Variants in NAP1L4 observed in about 807,000 individuals in gnomAD.
The protein encoded by NAP1L4 is nucleosome assembly protein 1 like 4, also known as nucleosome assembly protein 1-like 4.
Under a neutral mutation model 58.2 loss-of-function variants are expected in NAP1L4, and 15 were observed. The observed-to-expected ratio is 0.26, with a 90% CI of 0.17 to 0.40. The LOEUF (loss-of-function observed/expected upper bound fraction) is 0.40. Among genes scored for constraint, NAP1L4 ranks in the 10% least tolerant of loss-of-function variants. The pLI is 1.00. For synonymous variants in NAP1L4, 171 were observed against 155.6 expected (o/e 1.10, Z -0.74); for missense variants, 384 against 451.1 (o/e 0.85, Z 1.35).
At chr11:2,976,269 A>G (rs2133987635) in intron 3 of NAP1L4, 146 bp from the exon 4 acceptor site, 2 of 593,542 alleles carry the variant, frequency 3.4e-6, no homozygotes, top group Non-Finnish European at 5.9e-6. Context: ...CTTCTTAAAC[A>G]TGTTTTGAAA....
chr11:2,966,939 C>T (rs1443030809), intron 7 of NAP1L4, among the ~76,000 whole-genome samples: 1 of 152,236 alleles, frequency 6.6e-6, no homozygotes, highest in East Asian at 1.9e-4. Flanking sequence ...TAATGCCCCA[C>T]ACTGGCAGAC....
chr11:2,977,562 G>C (rs952921685), intron 3 of NAP1L4, among the ~76,000 whole-genome samples: 1 of 152,188 alleles, frequency 6.6e-6, no homozygotes, highest in African/African-American at 2.4e-5. Flanking sequence ...CAAAACGCAT[G>C]ATCCTTGAAT....
In NAP1L4 at chr11:2,965,822, G is replaced by A. The variant is rs867370519; in HGVS notation, c.535-1071C>T. Among the ~76,000 whole-genome samples, 65 of 152,284 alleles carry A rather than the reference G, an allele frequency of 4.3e-4. No homozygotes were observed. In the South Asian group the frequency reaches 5.8e-3, roughly 14 times the overall value. On this transcript the variant is annotated intron_variant, in intron 7 of 15. Coordinates refer to ENST00000380542, the MANE Select transcript of NAP1L4 (RefSeq NM_005969.4). The stretch of plus-strand genomic sequence containing the variant: ...TGGGATTACAGGCGTGAGCCACCGC[G>A]CCCGGCCACACACGGTTACTTCTTT...
At chr11:2,950,930 A>G (rs1846191245) in intron 14 of NAP1L4, 1 of 256,624 alleles carries the variant, frequency 3.9e-6, no homozygotes, top group Admixed American at 5.2e-5. Context: ...ACGCACAAAG[A>G]AAAGTTTATT....
In NAP1L4 at chr11:2,972,189, T is replaced by C; in HGVS notation, c.228A>G (p.Arg76=). ...RINALKQLQV[R]CAHIEAKFYE... ...AGAACTTGGCTTCTATGTGAGCACA[T>C]CTCACCTGAAGTTGTTTCAATGCAT... The change falls in exon 5 of 16, where the codon AGA becomes AGG. Residue 76 remains arginine (R), a synonymous_variant. Transcript: ENST00000380542. 1 of 1,609,664 alleles carries C rather than the reference T, an allele frequency of 6.2e-7. No homozygotes were observed. The highest frequency in any genetic ancestry group is 8.5e-7 in the Non-Finnish European group (1 of 1,178,712).
In NAP1L4 at chr11:2,959,578, C is replaced by T. The variant is rs553057094; in HGVS notation, c.746+192G>A. On this transcript the variant is annotated intron_variant, in intron 9 of 15. Transcript: ENST00000380542. This position sits in a 1 kb window ranked among gnomAD's most constrained non-coding sequence, Gnocchi z 4.9. ...ACGTGACTCATTTCCCAGGTTCAGCCGCCATCTCCAAGTTCTGCACTATGA... is the reference window on the plus strand; with the variant it reads ...ACGTGACTCATTTCCCAGGTTCAGCTGCCATCTCCAAGTTCTGCACTATGA... Among the ~76,000 whole-genome samples, 1 of 152,204 alleles carries T rather than the reference C, an allele frequency of 6.6e-6. No homozygotes were observed. The highest frequency in any genetic ancestry group is 1.5e-5 in the Non-Finnish European group (1 of 68,034).
chr11:2,981,319 A>G (rs886736548), intron 1 of NAP1L4, among the ~76,000 whole-genome samples: 1 of 150,462 alleles, frequency 6.6e-6, no homozygotes, highest in African/African-American at 2.4e-5. Context: ...CTGAGACAGA[A>G]GCAACACTCG....
chr11:2,969,725 A>G, intron 7 of NAP1L4, 78 bp downstream of exon 7: 1 of 1,492,064 alleles, frequency 6.7e-7, no homozygotes, highest in Non-Finnish European at 9.0e-7. Context: ...TGCCCAGTGT[A>G]GTGCTTAAAA....
chr11:2,973,002 C>T (rs951743010), intron 4 of NAP1L4, among the ~76,000 whole-genome samples: 1 of 152,096 alleles, frequency 6.6e-6, no homozygotes, highest in Non-Finnish European at 1.5e-5. Flanking sequence ...TTATCCTAAT[C>T]AAGTATTTAT....
chr11:2,961,210 G>T (rs1846883283), intron 8 of NAP1L4, among the ~76,000 whole-genome samples: 1 of 152,136 alleles, frequency 6.6e-6, no homozygotes, highest in Admixed American at 6.5e-5. Context: ...AAGGAGAAGT[G>T]AAAAAACAAC....
rs774608937 is a variant in NAP1L4, at chr11:2,954,572, C to T, written c.990G>A (p.Arg330=). ...GHFFRERIVP[R]AVLYFTGEAI... ...CCTCCCCAGTGAAGTACAGCACAGC[C>T]CGCGGGACTATCCGCTCACGGAAAA... The change falls in exon 12 of 16, where the codon CGG becomes CGA. Residue 330 remains arginine, a synonymous_variant. Transcript: ENST00000380542. The surrounding 1 kb of genome is among the most constrained non-coding windows in gnomAD (Gnocchi z 4.8). The T allele has an allele frequency of 6.2e-7, 1 of 1,614,202 alleles. No homozygotes were observed. Among genetic ancestry groups the T allele is most frequent in the Non-Finnish European group, 8.5e-7 (1 of 1,180,054 alleles).
intron 4 of NAP1L4, among the ~76,000 whole-genome samples, chr11:2,973,535 T>G (rs886248633): frequency 6.6e-6 from 1 of 152,148 alleles, no homozygotes; most frequent in Non-Finnish European, 1.5e-5. Context: ...CACATATCAC[T>G]GGTCTGGGAG....
chr11:2,954,486 T>G lies in NAP1L4; in HGVS notation c.1035+41A>C, dbSNP rs1846411053. Reference sequence around the variant, plus strand: ...CAGGGCCACTCTGCACCAACAGAGATAAGCACCCAGGTGGAAGCCCCCCTT... The same window carrying G: ...CAGGGCCACTCTGCACCAACAGAGAGAAGCACCCAGGTGGAAGCCCCCCTT... On this transcript the variant is annotated intron_variant, in intron 12 of 15. Transcript: ENST00000380542. This position sits in a 1 kb window ranked among gnomAD's most constrained non-coding sequence, Gnocchi z 4.8. The G allele has an allele frequency of 6.2e-7, 1 of 1,612,812 alleles. No homozygotes were observed. Among genetic ancestry groups the G allele is most frequent in the Non-Finnish European group, 8.5e-7 (1 of 1,178,928 alleles).
In NAP1L4 at chr11:2,955,920, G is replaced by C; in HGVS notation, c.893-154C>G. The C allele has an allele frequency of 1.5e-6, 1 of 673,796 alleles. No individual in the cohort carries two copies. Among genetic ancestry groups the C allele is most frequent in the East Asian group, 2.7e-5 (1 of 36,708 alleles). 41.7% of individuals were successfully genotyped at this position (673,796 alleles called of 1,614,324 possible). A position where few individuals can be genotyped will look rare whatever the true frequency, so the allele number is the denominator to read the frequency against. ...CCCCAAAGCCTTGCATCTCCTCACA[G>C]ACATCTTTGCAAGCTCCATCCACCA... is the stretch of plus-strand genomic sequence containing the variant. On this transcript the variant is annotated intron_variant, in intron 10 of 15. Coordinates refer to ENST00000380542, the MANE Select transcript of NAP1L4 (RefSeq NM_005969.4). This position sits in a 1 kb window ranked among gnomAD's most constrained non-coding sequence, Gnocchi z 4.2.
At position 2,992,242 on chromosome 11, in the gene NAP1L4, G is replaced by T. The variant is rs1378923934; in HGVS notation, c.-18+12C>A. The T allele has an allele frequency of 2.0e-5, 3 of 150,342 alleles. No individual in the cohort carries two copies. The highest frequency in any genetic ancestry group is 3.0e-5 in the Non-Finnish European group (2 of 67,562). The allele number at this position is 150,342 out of a possible 1,614,324, so 9.3% of individuals were successfully genotyped here. On this transcript the variant is annotated intron_variant, in intron 1 of 15. Transcript: ENST00000380542. Reference sequence around the variant, plus strand: ...GCGCGCCGTTACCGGCCCAGCACCCGTGTCTCCGCACCTCACGCCTCCTGC... The same window carrying T: ...GCGCGCCGTTACCGGCCCAGCACCCTTGTCTCCGCACCTCACGCCTCCTGC...
At chr11:2,983,281 GGA>G (rs1417432744) in intron 1 of NAP1L4, among the ~76,000 whole-genome samples, 5 of 152,152 alleles carry the variant, frequency 3.3e-5, no homozygotes, top group Non-Finnish European at 7.3e-5. Context: ...ACCTTCCCAT[GGA>G]ATGGTACCTG....
In NAP1L4 at chr11:2,951,440, G is replaced by A; in HGVS notation, c.1066-125C>T. On this transcript the variant is annotated intron_variant, in intron 13 of 15. Coordinates refer to ENST00000380542, the MANE Select transcript of NAP1L4 (RefSeq NM_005969.4). The surrounding 1 kb of genome is among the most constrained non-coding windows in gnomAD (Gnocchi z 4.0). ...AAATCAATTACTGCTACCCACAAGT[G>A]ACTCATCACTTCCTTTGGACACTTA... is the stretch of plus-strand genomic sequence containing the variant. 1 of 796,240 alleles carries A rather than the reference G, an allele frequency of 1.3e-6. No homozygotes were observed. 49.3% of individuals were successfully genotyped at this position (796,240 alleles called of 1,614,324 possible).
chr11:2,945,462 G>A lies in NAP1L4; in HGVS notation c.*217C>T, dbSNP rs1483644093. ...GTTAAGCAAAATAATAAGGAAAAAG[G>A]AAAAGTGAAAGTGAAAATCATGCAC... On this transcript the variant is annotated 3_prime_UTR_variant, in exon 16 of 16. Coordinates refer to ENST00000380542, the MANE Select transcript of NAP1L4 (RefSeq NM_005969.4). The A allele has an allele frequency of 1.4e-6, 1 of 698,498 alleles. No homozygotes were observed. Among genetic ancestry groups the A allele is most frequent in the African/African-American group, 1.8e-5 (1 of 55,006 alleles). The allele number at this position is 698,498 out of a possible 1,614,324, so 43.3% of individuals were successfully genotyped here.
At chr11:2,980,881 T>C (rs187218193) in intron 1 of NAP1L4, among the ~76,000 whole-genome samples, 1 of 151,986 alleles carries the variant, frequency 6.6e-6, no homozygotes, top group South Asian at 2.1e-4. Flanking sequence ...TTACACATTG[T>C]CTTTTTCAAA....
Sources: allele counts gnomAD v4.1 joint callset (sites outside exome capture counted in the v4.1 genomes callset), GRCh38; gene constraint gnomAD v4.1.1; non-coding constraint Gnocchi (gnomAD v3.1); transcripts MANE v1.5; gene names NCBI Gene and HGNC (gene_info 2026-07-23, HGNC 2026-07-21).